GABRA3: variants seen among roughly 807,000 people sequenced by gnomAD.
GABRA3 encodes gamma-aminobutyric acid receptor subunit alpha-3.
Under a neutral mutation model 30.1 loss-of-function variants are expected in GABRA3, and 10 were observed. The observed-to-expected ratio is 0.33, with a 90% CI of 0.20 to 0.56. The LOEUF is 0.56. GABRA3 is among the 20% of genes least tolerant of loss of function. The probability of loss-of-function intolerance (pLI) is 0.89; values close to 1 mark genes in which losing one functional copy is unlikely to be tolerated. For synonymous variants in GABRA3, 151 were observed against 146.8 expected (o/e 1.03, Z -0.21); for missense variants, 233 against 392.0 (o/e 0.59, Z 3.42).
intron 1 of GABRA3, among the ~76,000 whole-genome samples, chrX:152,376,282 CTTA>C (rs1249737693): frequency 9.0e-6 from 1 of 110,847 alleles, no homozygotes; most frequent in Non-Finnish European, 1.9e-5. Context: ...TCCCAAAACT[CTTA>C]TTTTTTTTTT....
rs1940220773 is a variant in GABRA3 at position 152,335,501 on chromosome X, G to C, written c.262+10080C>G. Among the ~76,000 whole-genome samples the C allele has an allele frequency of 4.5e-5, 5 of 112,019 alleles. No homozygotes were observed. In the South Asian group the frequency reaches 1.8e-3, roughly 41 times the overall value. On this transcript the variant is annotated intron_variant, in intron 3 of 9. Coordinates refer to ENST00000370314, the MANE Select transcript of GABRA3 (RefSeq NM_000808.4). ...TACAGGCCAAACTGCAGACCAGCTA[G>C]TTTGCTGGAGAGAAACTGGGAAAAA...
In GABRA3 at chrX:152,331,609, A is replaced by T. The variant is rs1940167880; in HGVS notation, c.262+13972T>A. On this transcript the variant is annotated intron_variant, in intron 3 of 9. Transcript: ENST00000370314. Reference sequence around the variant, plus strand: ...TAATTTCATACCAGCCAGCTATTGCACAGTAGGGGCCCAAGTATAGCAGTA... The same window carrying T: ...TAATTTCATACCAGCCAGCTATTGCTCAGTAGGGGCCCAAGTATAGCAGTA... 5.4e-5 allele frequency among the ~76,000 whole-genome samples: 6 copies of T among 112,083 alleles called. No individual in the cohort carries two copies. The South Asian group carries it at 2.2e-3, about 42-fold the overall frequency.
chrX:152,265,761 AAG>A (rs1429744034), intron 4 of GABRA3, among the ~76,000 whole-genome samples: 3 of 111,617 alleles, frequency 2.7e-5, no homozygotes, highest in Admixed American at 9.5e-5. Context: ...CTAAGAAGAA[AAG>A]AGAGAATAAT....
At chrX:152,262,353 T>G (rs1938745439) in intron 4 of GABRA3, among the ~76,000 whole-genome samples, 1 of 112,538 alleles carries the variant, frequency 8.9e-6, no homozygotes, top group Admixed American at 9.3e-5. Context: ...AGAAAATGGC[T>G]TTTTCTTTTC....
chrX:152,346,452 C>G, intron 2 of GABRA3, among the ~76,000 whole-genome samples: 1 of 111,387 alleles, frequency 9.0e-6, no homozygotes, highest in Non-Finnish European at 1.9e-5. Flanking sequence ...TGAGCAATAC[C>G]CTACAAGCAC....
At chrX:152,331,183 GAA>G (rs11358143) in intron 3 of GABRA3, among the ~76,000 whole-genome samples, 2,145 of 88,718 alleles carry the variant, frequency 0.024, 53 homozygotes, top group East Asian at 0.14. Flanking sequence ...ACTTTGGAAG[GAA>G]AAAAAAAAAA....
rs150375445 is a variant in GABRA3, at chrX:152,335,869, G to A, written c.262+9712C>T. 9.2e-3 allele frequency among the ~76,000 whole-genome samples: 1,014 copies of A among 110,531 alleles called. 19 individuals are homozygous for A. Among genetic ancestry groups the A allele is most frequent in the African/African-American group, 0.032 (959 of 30,352 alleles). On this transcript the variant is annotated intron_variant, in intron 3 of 9. Transcript: ENST00000370314. ...CGAGGAGCTGGGACTACAGTTGCAT[G>A]CTACCATGCCCAGCTAATCTTTTTA...
In GABRA3 at chrX:152,435,188, A is replaced by AATTCCTC. The variant is rs750191500; in HGVS notation, c.-27+15951_-27+15957dup. On this transcript the variant is annotated intron_variant, in intron 1 of 9. Transcript: ENST00000370314. Reference sequence around the variant, plus strand: ...CAGCCACTGTGGAAGACAGAGTGGCAATTCCTCAAGGATCTAGAACTAGAA... The same window carrying AATTCCTC: ...CAGCCACTGTGGAAGACAGAGTGGCAATTCCTCATTCCTCAAGGATCTAGAACTAGAA... Among the ~76,000 whole-genome samples the AATTCCTC allele has an allele frequency of 2.4e-3, 266 of 112,199 alleles. 2 individuals carry two copies. The highest frequency in any genetic ancestry group is 4.6e-3 in the Middle Eastern group (1 of 218).
chrX:152,307,811 T>C (rs1271390748), intron 3 of GABRA3, among the ~76,000 whole-genome samples: 1 of 111,779 alleles, frequency 8.9e-6, no homozygotes, highest in Non-Finnish European at 1.9e-5. Flanking sequence ...ACTCTCGCCA[T>C]AGACCTCTGG....
intron 1 of GABRA3, among the ~76,000 whole-genome samples, chrX:152,403,588 GTGTGT>G (rs1208624443): frequency 9.2e-6 from 1 of 109,268 alleles, no homozygotes; most frequent in Middle Eastern, 4.2e-3. Flanking sequence ...GTGTGTGTGT[GTGTGT>G]TATTTCACCA....
At chrX:152,445,970 A>G (rs1931076484) in intron 1 of GABRA3, among the ~76,000 whole-genome samples, 1 of 112,001 alleles carries the variant, frequency 8.9e-6, no homozygotes, top group Non-Finnish European at 1.9e-5. Context: ...TGGGAAAGGC[A>G]CTGGGTCTTT....
chrX:152,221,043 C>G (rs779866257), intron 6 of GABRA3, among the ~76,000 whole-genome samples: 28 of 111,046 alleles, frequency 2.5e-4, no homozygotes, highest in Middle Eastern at 4.6e-3. Flanking sequence ...TTCTCCCTCT[C>G]TGTGGCTTCT....
intron 4 of GABRA3, among the ~76,000 whole-genome samples, chrX:152,269,712 A>C (rs1258511309): frequency 8.9e-6 from 1 of 112,256 alleles, no homozygotes; most frequent in Non-Finnish European, 1.9e-5. Flanking sequence ...ATTCCTCTCC[A>C]ACAAAGGCAG....
intron 8 of GABRA3, among the ~76,000 whole-genome samples, chrX:152,196,125 C>T (rs1340176031): frequency 9.2e-6 from 1 of 108,250 alleles, no homozygotes; most frequent in East Asian, 2.9e-4. Flanking sequence ...TGGCTCACAC[C>T]TGTAATCCCA....
At chrX:152,429,472 CTT>C (rs1322852151) in intron 1 of GABRA3, among the ~76,000 whole-genome samples, 1 of 111,186 alleles carries the variant, frequency 9.0e-6, no homozygotes, top group Non-Finnish European at 1.9e-5. Flanking sequence ...CCCTACTGCT[CTT>C]GAGGGAAAGA....
At chrX:152,283,775 G>C (rs778869685) in intron 4 of GABRA3, among the ~76,000 whole-genome samples, 1 of 111,908 alleles carries the variant, frequency 8.9e-6, no homozygotes, top group Admixed American at 9.5e-5. Context: ...ACTGAAAATA[G>C]ACACACAGAA....
chrX:152,360,740 A>AAAAAAAAAAATT (rs1569407728), intron 2 of GABRA3, among the ~76,000 whole-genome samples: 76 of 77,171 alleles, frequency 9.8e-4, no homozygotes, highest in African/African-American at 1.9e-3. Context: ...AAAAAAAATT[A>AAAAAAAAAAATT]AAAAAAAAAA....
chrX:152,421,336 T>C (rs1366696691), intron 1 of GABRA3, among the ~76,000 whole-genome samples: 1 of 110,924 alleles, frequency 9.0e-6, no homozygotes, highest in Non-Finnish European at 1.9e-5. Flanking sequence ...ATGAAAGTCA[T>C]AGTTTCCAAG....
At chrX:152,309,417 C>A (rs1939767908) in intron 3 of GABRA3, among the ~76,000 whole-genome samples, 1 of 109,873 alleles carries the variant, frequency 9.1e-6, no homozygotes, top group African/African-American at 3.3e-5. Flanking sequence ...AGGTCACCTA[C>A]AAAGGGAACA....
Sources: gnomAD v4.1 joint callset for allele counts (sites outside exome capture counted in the v4.1 genomes callset) on GRCh38, gnomAD v4.1.1 for gene constraint, MANE v1.5 for transcripts, NCBI Gene and HGNC (gene_info 2026-07-23, HGNC 2026-07-21) for gene names.